SCG5: variants seen among roughly 807,000 people sequenced by gnomAD.
The protein encoded by SCG5 is neuroendocrine protein 7B2.
A neutral mutation model predicts 25.7 loss-of-function variants in SCG5; 18 were observed. The observed-to-expected ratio is 0.70, with a 90% CI of 0.48 to 1.04. The LOEUF (loss-of-function observed/expected upper bound fraction) is 1.04, where lower values mean the gene tolerates loss of function less well. Among genes scored for constraint, SCG5 ranks in the 50% least tolerant of loss-of-function variants. SCG5 has a pLI of 0.00. For missense variants in SCG5, 206 were observed against 259.8 expected, an observed-to-expected ratio of 0.79 and a Z score of 1.42; for synonymous variants, 101 against 91.7, an observed-to-expected ratio of 1.10 and a Z score of -0.58.
intron 2 of SCG5, among the ~76,000 whole-genome samples, chr15:32,644,661 CCTT>C (rs1005889869): frequency 5.3e-5 from 8 of 152,162 alleles, no homozygotes; most frequent in Non-Finnish European, 8.8e-5. Context: ...CTAATGATCT[CCTT>C]CTCCACTAAG....
At chr15:32,678,434 G>T (rs1174067131) in intron 2 of SCG5, among the ~76,000 whole-genome samples, 2 of 152,084 alleles carry the variant, frequency 1.3e-5, no homozygotes, top group Non-Finnish European at 2.9e-5. Context: ...TATATGGGAA[G>T]ATATTTGACC....
rs2053900288 is a variant in SCG5, at chr15:32,643,632, C to T, written c.40C>T (p.Leu14=). Residue 14 remains leucine (L), a synonymous_variant, in exon 2 of 6, where the codon CTG becomes TTG. Coordinates refer to ENST00000300175, the MANE Select transcript of SCG5 (RefSeq NM_001144757.3). ...RMVSTMLSGL[L]FWLASGWTPA... ...GGTCTCTACCATGCTATCTGGCCTA[C>T]TGTTTTGGCTGGCATCTGGATGGAC... is the stretch of plus-strand genomic sequence containing the variant. 1 of 1,614,000 alleles carries T rather than the reference C, an allele frequency of 6.2e-7. No individual in the cohort carries two copies. The highest frequency in any genetic ancestry group is 8.5e-7 in the Non-Finnish European group (1 of 1,179,886).
At chr15:32,655,477 C>T (rs1261959403) in intron 2 of SCG5, among the ~76,000 whole-genome samples, 1 of 152,174 alleles carries the variant, frequency 6.6e-6, no homozygotes, top group Non-Finnish European at 1.5e-5. Flanking sequence ...TCTCCCATTA[C>T]AGCTGGTGGG....
chr15:32,671,008 C>T (rs2054413985), intron 2 of SCG5, among the ~76,000 whole-genome samples: 1 of 152,082 alleles, frequency 6.6e-6, no homozygotes, highest in Non-Finnish European at 1.5e-5. Context: ...TATTACATAC[C>T]AGGTACTGAG....
At chr15:32,681,029 G>A (rs2054611112) in intron 3 of SCG5, among the ~76,000 whole-genome samples, 1 of 152,274 alleles carries the variant, frequency 6.6e-6, no homozygotes, top group East Asian at 1.9e-4. Context: ...AATTATCCAT[G>A]TAAAGCATTT....
chr15:32,659,693 C>G (rs2054184849), intron 2 of SCG5, among the ~76,000 whole-genome samples: 1 of 152,166 alleles, frequency 6.6e-6, no homozygotes, highest in African/African-American at 2.4e-5. Flanking sequence ...GGTATGACAG[C>G]TCAGCAGGCC....
chr15:32,647,599 C>T (rs1222731370), intron 2 of SCG5, among the ~76,000 whole-genome samples: 1 of 152,168 alleles, frequency 6.6e-6, no homozygotes, highest in African/African-American at 2.4e-5. Flanking sequence ...AGCTGCCTTT[C>T]ACAGCCTTTC....
intron 2 of SCG5, among the ~76,000 whole-genome samples, chr15:32,658,543 A>G (rs954885116): frequency 5.9e-5 from 9 of 152,190 alleles, no homozygotes; most frequent in African/African-American, 2.2e-4. Flanking sequence ...GGATGCATTT[A>G]AGGCTGTCGC....
intron 5 of SCG5, 122 bp downstream of exon 5, chr15:32,691,885 A>C (rs1165562424): frequency 6.6e-7 from 1 of 1,509,948 alleles, no homozygotes; most frequent in Admixed American, 2.3e-5. Context: ...AGTCCTGAGA[A>C]ACACTGGTCC....
chr15:32,691,986 G>A (rs773991076), intron 5 of SCG5: 43 of 1,412,598 alleles, frequency 3.0e-5, no homozygotes, highest in Non-Finnish European at 3.8e-5. Context: ...GGAACGCGCA[G>A]TCTGTAGCAA....
At chr15:32,693,776 A>G (rs564866094) in intron 5 of SCG5, among the ~76,000 whole-genome samples, 4 of 152,292 alleles carry the variant, frequency 2.6e-5, no homozygotes, top group African/African-American at 9.6e-5. Context: ...GTGAGAGAAG[A>G]CAAATATAGC....
intron 2 of SCG5, among the ~76,000 whole-genome samples, chr15:32,664,810 C>T (rs1293310428): frequency 6.6e-6 from 1 of 152,182 alleles, no homozygotes; most frequent in Non-Finnish European, 1.5e-5. Context: ...GTGTATTGAA[C>T]ATCTCTTTAT....
intron 2 of SCG5, among the ~76,000 whole-genome samples, chr15:32,654,345 A>G (rs2054079644): frequency 6.6e-6 from 1 of 152,222 alleles, no homozygotes; most frequent in African/African-American, 2.4e-5. Flanking sequence ...AAGAGATGAG[A>G]GAGCTCTCTG....
chr15:32,679,923 A>G lies in SCG5; in HGVS notation c.376+8A>G. On this transcript the variant is annotated splice_region_variant and intron_variant, in intron 3 of 5. Transcript: ENST00000300175. ...GTCCTGTTGGAAAAACAGGTAACAG[A>G]TATGCCTTTGGGTTCCCATGAAAAG... is the stretch of plus-strand genomic sequence containing the variant. 1 of 1,600,642 alleles carries G rather than the reference A, an allele frequency of 6.2e-7. No individual in the cohort carries two copies. The highest frequency in any genetic ancestry group is 8.5e-7 in the Non-Finnish European group (1 of 1,172,610).
chr15:32,658,828 A>C (rs377489269), intron 2 of SCG5, among the ~76,000 whole-genome samples: 1 of 152,174 alleles, frequency 6.6e-6, no homozygotes, highest in African/African-American at 2.4e-5. Context: ...CACCAACACC[A>C]CGGGGATCTC....
intron 2 of SCG5, among the ~76,000 whole-genome samples, chr15:32,672,195 G>A (rs1041381865): frequency 6.6e-6 from 1 of 152,250 alleles, no homozygotes; most frequent in Non-Finnish European, 1.5e-5. Context: ...TCAGGGGCCT[G>A]TGCCCGCTCC....
chr15:32,695,275 A>G (rs1471560063), intron 5 of SCG5, among the ~76,000 whole-genome samples: 1 of 152,078 alleles, frequency 6.6e-6, no homozygotes, highest in East Asian at 1.9e-4. Context: ...TAGGCCTCCC[A>G]AAGTGCTGGG....
rs544207038 is a variant in SCG5, at chr15:32,647,646, C to T, written c.226+3828C>T. 2.6e-5 allele frequency among the ~76,000 whole-genome samples: 4 copies of T among 152,338 alleles called. No individual in the cohort carries two copies. The East Asian group carries it at 5.8e-4, about 22-fold the overall frequency. ...ATTGTACTTCTTCACCTCTCATTCT[C>T]TCCTGGTCCATTGTAGCCCACTGTT... is the stretch of plus-strand genomic sequence containing the variant. On this transcript the variant is annotated intron_variant, in intron 2 of 5. Coordinates refer to ENST00000300175, the MANE Select transcript of SCG5 (RefSeq NM_001144757.3).
At chr15:32,671,797 C>T (rs779650054) in intron 2 of SCG5, among the ~76,000 whole-genome samples, 41 of 152,178 alleles carry the variant, frequency 2.7e-4, no homozygotes, top group Non-Finnish European at 5.0e-4. Flanking sequence ...TGCCTGGTGC[C>T]TGCGGCCGGT....
Sources: gnomAD v4.1 joint callset for allele counts (sites outside exome capture counted in the v4.1 genomes callset) on GRCh38, gnomAD v4.1.1 for gene constraint, MANE v1.5 for transcripts, NCBI Gene and HGNC (gene_info 2026-07-23, HGNC 2026-07-21) for gene names.